MAPT: variants seen among roughly 807,000 people sequenced by gnomAD.
The protein encoded by MAPT is microtubule associated protein tau, also known as microtubule-associated protein tau.
In MAPT, 34 loss-of-function variants were observed where a neutral mutation model predicts 67.9. That is an observed-to-expected ratio of 0.50 (90% confidence interval 0.38 to 0.67). MAPT has a LOEUF of 0.67. Ranked by LOEUF, MAPT falls within the 30% of genes least tolerant of loss-of-function variation. The probability of loss-of-function intolerance (pLI) is 0.00; values close to 1 mark genes in which losing one functional copy is unlikely to be tolerated. For missense variants in MAPT, 881 were observed against 1,115.2 expected (o/e 0.79, Z 2.99); for synonymous variants, 456 against 464.5 (o/e 0.98, Z 0.23).
At chr17:46,008,699 T>A (rs2075618838) in intron 9 of MAPT, among the ~76,000 whole-genome samples, 2 of 152,130 alleles carry the variant, frequency 1.3e-5, no homozygotes, top group Non-Finnish European at 2.9e-5. Flanking sequence ...AAAAACGGGA[T>A]GAACCAGAAG....
At chr17:45,903,538 A>G (rs1351287035) in intron 1 of MAPT, among the ~76,000 whole-genome samples, 4 of 149,832 alleles carry the variant, frequency 2.7e-5, no homozygotes, top group Non-Finnish European at 5.9e-5. Flanking sequence ...GCTTTGTGAA[A>G]CCCCGTCTCT....
intron 1 of MAPT, among the ~76,000 whole-genome samples, chr17:45,908,875 A>T (rs145106821): frequency 2.6e-5 from 4 of 152,230 alleles, no homozygotes; most frequent in African/African-American, 9.6e-5. Context: ...TTTCTGTTTT[A>T]TCAGGGTTTG....
intron 11 of MAPT, among the ~76,000 whole-genome samples, chr17:46,016,670 C>T (rs894664227): frequency 6.6e-6 from 1 of 152,060 alleles, no homozygotes; most frequent in African/African-American, 2.4e-5. Flanking sequence ...ACTTGGGAGG[C>T]TGAGGCAGGA....
In MAPT at chr17:45,934,086, G is replaced by A. The variant is rs542436978; in HGVS notation, c.-17-28235G>A. ...TCTTTAAATTATGGTCATGGGCCAGGTGTAGGAGCTCACACCTGTAATCCC... is the reference window on the plus strand; with the variant it reads ...TCTTTAAATTATGGTCATGGGCCAGATGTAGGAGCTCACACCTGTAATCCC... On this transcript the variant is annotated intron_variant, in intron 1 of 12. Transcript: ENST00000262410. 2.0e-5 allele frequency among the ~76,000 whole-genome samples: 3 copies of A among 152,220 alleles called. No homozygotes were observed. The South Asian group carries it at 6.2e-4, about 32-fold the overall frequency.
rs2076769157 is a variant in MAPT at position 46,025,502 on chromosome 17, A to C, written c.*1331A>C. The C allele has an allele frequency of 6.5e-6, 1 of 152,738 alleles. No individual in the cohort carries two copies. Among genetic ancestry groups the C allele is most frequent in the South Asian group, 2.1e-4 (1 of 4,838 alleles). 9.5% of individuals were successfully genotyped at this position (152,738 alleles called of 1,614,324 possible). A position where few individuals can be genotyped will look rare whatever the true frequency, so the allele number is the denominator to read the frequency against. On this transcript the variant is annotated 3_prime_UTR_variant, in exon 13 of 13. Coordinates refer to ENST00000262410, the MANE Select transcript of MAPT (RefSeq NM_001377265.1). ...AGGGAAGGCAAAGTCCAGGCACAAG[A>C]GTGGGACCCCAGCCTCTCACTCTCA...
intron 1 of MAPT, among the ~76,000 whole-genome samples, chr17:45,907,166 C>T (rs1455682182): frequency 1.3e-5 from 2 of 152,192 alleles, no homozygotes; most frequent in Admixed American, 6.5e-5. Flanking sequence ...CCTGCCCAGT[C>T]CCGCCTCCTG....
At chr17:45,901,933 T>C in intron 1 of MAPT, among the ~76,000 whole-genome samples, 1 of 151,184 alleles carries the variant, frequency 6.6e-6, no homozygotes. Flanking sequence ...TTTTTTTTCA[T>C]GGTCTTTACC....
intron 3 of MAPT, 135 bp from the exon 4 acceptor site, chr17:45,978,240 G>A (rs1168072054): frequency 9.1e-6 from 7 of 771,140 alleles, no homozygotes; most frequent in Admixed American, 1.8e-5. Flanking sequence ...CCAGAGCTGA[G>A]GCACCTTGGT....
chr17:45,999,613 G>A (rs2074821188), intron 9 of MAPT: 1 of 1,611,922 alleles, frequency 6.2e-7, no homozygotes, highest in Non-Finnish European at 8.5e-7. Flanking sequence ...CCCTGCAGCT[G>A]CCCTGCCTCT....
chr17:45,990,962 G>A (rs2074011996), intron 7 of MAPT, among the ~76,000 whole-genome samples: 1 of 152,162 alleles, frequency 6.6e-6, no homozygotes. Context: ...TGAGGCCTTA[G>A]GGTTGTTTGC....
rs2074391589 is a variant in MAPT at position 45,995,427 on chromosome 17, T to A, written c.1733-972T>A. On this transcript the variant is annotated intron_variant, in intron 8 of 12. Coordinates refer to ENST00000262410, the MANE Select transcript of MAPT (RefSeq NM_001377265.1). This position sits in a 1 kb window ranked among gnomAD's most constrained non-coding sequence, Gnocchi z 4.3. ...GAAATTTGCATTTTGCAACTCCCAC[T>A]TTCCTCCTTGAAAGCTCCGGAGATT... Among the ~76,000 whole-genome samples the A allele has an allele frequency of 6.6e-6, 1 of 152,206 alleles. No individual in the cohort carries two copies. Among genetic ancestry groups the A allele is most frequent in the African/African-American group, 2.4e-5 (1 of 41,444 alleles).
chr17:46,007,523 A>G (rs941172451), intron 9 of MAPT, among the ~76,000 whole-genome samples: 9 of 152,156 alleles, frequency 5.9e-5, no homozygotes, highest in African/African-American at 1.9e-4. Context: ...ATAAAAATAA[A>G]TTAAAATGTA....
chr17:45,933,519 C>A (rs1208264508), intron 1 of MAPT, among the ~76,000 whole-genome samples: 1 of 150,346 alleles, frequency 6.7e-6, no homozygotes, highest in Non-Finnish European at 1.5e-5. Context: ...GGATTACAGG[C>A]GTGAGCCACC....
At chr17:45,918,822 C>T (rs772677023) in intron 1 of MAPT, among the ~76,000 whole-genome samples, 12 of 152,180 alleles carry the variant, frequency 7.9e-5, no homozygotes, top group Non-Finnish European at 1.3e-4. Context: ...TTTTGGGAGG[C>T]CAAGGCCGGC....
At chr17:45,904,045 A>ATATT (rs1568134312) in intron 1 of MAPT, among the ~76,000 whole-genome samples, 42 of 15,096 alleles carry the variant, frequency 2.8e-3, no homozygotes, top group Non-Finnish European at 4.4e-3. Flanking sequence ...TTATATATTT[A>ATATT]TATATATTAT....
chr17:45,914,990 T>G (rs1020711416), intron 1 of MAPT, among the ~76,000 whole-genome samples: 2 of 152,116 alleles, frequency 1.3e-5, no homozygotes, highest in Admixed American at 1.3e-4. Flanking sequence ...GGGCTGAGAT[T>G]AAAACGTGAG....
rs575185372 is a variant in MAPT, at chr17:45,962,301, C to G, written c.-17-20C>G. The stretch of plus-strand genomic sequence containing the variant: ...CCCCCAACACTCCTCAGAACTTATC[C>G]TCTCCTCTTCTTTCCCCAGGTGAAC... On this transcript the variant is annotated intron_variant, in intron 1 of 12. Coordinates refer to ENST00000262410, the MANE Select transcript of MAPT (RefSeq NM_001377265.1). The G allele has an allele frequency of 6.2e-7, 1 of 1,608,752 alleles. No individual in the cohort carries two copies. The highest frequency in any genetic ancestry group is 1.7e-5 in the Admixed American group (1 of 59,758).
At chr17:45,984,123 G>A (rs891970634) in intron 5 of MAPT, among the ~76,000 whole-genome samples, 193 bp downstream of exon 5, 5 of 152,148 alleles carry the variant, frequency 3.3e-5, no homozygotes, top group South Asian at 2.1e-4. Context: ...GTGGCCGCAC[G>A]CGCCCCTCAC....
chr17:45,955,636 T>C (rs62063262), intron 1 of MAPT, among the ~76,000 whole-genome samples: 21,823 of 152,140 alleles, frequency 0.14, 2,136 homozygotes, highest in Non-Finnish European at 0.22. Flanking sequence ...CCCCGCCCCA[T>C]GTGAGATCTA....
Sources: gnomAD v4.1 joint callset for allele counts (sites outside exome capture counted in the v4.1 genomes callset) on GRCh38, gnomAD v4.1.1 for gene constraint, Gnocchi (gnomAD v3.1) non-coding constraint, MANE v1.5 for transcripts, NCBI Gene and HGNC (gene_info 2026-07-23, HGNC 2026-07-21) for gene names.